SNCG: variants seen among roughly 807,000 people sequenced by gnomAD.
The protein encoded by SNCG is gamma-synuclein.
Under a neutral mutation model 16.0 loss-of-function variants are expected in SNCG, and 13 were observed. The observed-to-expected ratio is 0.81, with a 90% CI of 0.53 to 1.29. The LOEUF (loss-of-function observed/expected upper bound fraction) is 1.29. SNCG is among the 50% of genes most tolerant of loss of function. The pLI is 0.00. For missense variants in SNCG, 154 were observed against 168.5 expected (o/e 0.91, Z 0.48); for synonymous variants, 66 against 66.3 (o/e 1.00, Z 0.02).
upstream of SNCG, chr10:86,958,315 C>T (rs1457527989): frequency 1.0e-6 from 1 of 985,274 alleles, no homozygotes; most frequent in East Asian, 1.1e-4. Flanking sequence ...CCAAGAGCAC[C>T]CAGCCAGGGC....
chr10:86,960,526 A>G (rs1382243176), intron 3 of SNCG, among the ~76,000 whole-genome samples: 1 of 152,098 alleles, frequency 6.6e-6, no homozygotes, highest in Non-Finnish European at 1.5e-5. Flanking sequence ...CCCCGCCCCC[A>G]GGGCCTAGCC....
upstream of SNCG, chr10:86,957,482 T>A (rs140074339): frequency 6.2e-7 from 1 of 1,613,220 alleles, no homozygotes; most frequent in African/African-American, 1.3e-5. Context: ...CCTGGGCCCA[T>A]GCCCCCAGCA....
intron 3 of SNCG, 60 bp downstream of exon 3, chr10:86,960,188 G>A (rs777580876): frequency 1.1e-5 from 17 of 1,520,602 alleles, no homozygotes; most frequent in South Asian, 6.0e-5. Context: ...GCTGCTGGGC[G>A]GAGGCGGCAT....
upstream of SNCG, chr10:86,958,127 C>CATAT: frequency 2.0e-6 from 2 of 985,350 alleles, no homozygotes; most frequent in Non-Finnish European, 2.4e-6. Context: ...CAGGGTCCAG[C>CATAT]GGCATCCAGG....
upstream of SNCG, chr10:86,957,465 C>G: frequency 6.2e-7 from 1 of 1,613,504 alleles, no homozygotes. Context: ...GAGGCTAGTA[C>G]TGGAAGCCTG....
chr10:86,958,077 C>G (rs540558225), upstream of SNCG: 1 of 985,318 alleles, frequency 1.0e-6, no homozygotes, highest in East Asian at 1.1e-4. Context: ...TTTCCCCACC[C>G]CCACCCACCT....
chr10:86,958,410 GGCAGGAGA>G (rs1844273311), upstream of SNCG: 5 of 985,294 alleles, frequency 5.1e-6, no homozygotes, highest in Admixed American at 3.1e-4. Context: ...GAGGGCACGG[GGCAGGAGA>G]GCTGGGCTGA....
At chr10:86,962,863 C>T in intron 4 of SNCG, 102 bp from the exon 5 acceptor site, 1 of 1,376,396 alleles carries the variant, frequency 7.3e-7, no homozygotes, top group Non-Finnish European at 1.0e-6. Context: ...ACGGATGACC[C>T]CTCAGGCATG....
rs1844281055 is a variant in SNCG, at chr10:86,958,711, A to G, written c.14A>G (p.Lys5Arg). The G allele has an allele frequency of 1.9e-6, 3 of 1,613,964 alleles. No individual in the cohort carries two copies. Among genetic ancestry groups the G allele is most frequent in the Non-Finnish European group, 8.5e-7 (1 of 1,179,982 alleles). The change falls in exon 1 of 5, where the codon AAG (lysine) becomes AGG (arginine). Residue 5 changes from lysine to arginine, a missense_variant. Coordinates refer to ENST00000372017, the MANE Select transcript of SNCG (RefSeq NM_003087.3). ...TGCACACCCACCATGGATGTCTTCA[A>G]GAAGGGCTTCTCCATCGCCAAGGAG... MDVF[K>R]KGFSIAKEGV...
upstream of SNCG, chr10:86,957,612 T>C: frequency 6.7e-7 from 1 of 1,502,252 alleles, no homozygotes; most frequent in Non-Finnish European, 8.9e-7. Context: ...AGTGACGTTG[T>C]CTTCAAGTTA....
upstream of SNCG, chr10:86,957,510 C>T (rs1344455602): frequency 6.2e-7 from 1 of 1,612,390 alleles, no homozygotes; most frequent in Non-Finnish European, 8.5e-7. Context: ...GCCCAGGGGG[C>T]CCCCAAGGCT....
At chr10:86,960,272 G>A (rs578257225) in intron 3 of SNCG, 144 bp downstream of exon 3, 8 of 774,326 alleles carry the variant, frequency 1.0e-5, no homozygotes, top group South Asian at 9.2e-5. Context: ...ACTGAGCGCC[G>A]GCATGGGGTG....
At position 86,962,619 on chromosome 10, in the gene SNCG, T is replaced by C. The variant is rs1181476646; in HGVS notation, c.307T>C (p.Ser103Pro). Residue 103 changes from serine (S) to proline (P), a missense_variant, in exon 4 of 5, where the codon TCT becomes CCT. Transcript: ENST00000372017. ...TCCCCTACAGGAGGACTTGAGGCCA[T>C]CTGCCCCCCAACAGGAGGGTGAGGC... ...GVVRKEDLRP[S>P]APQQEGEASK... 1.2e-6 allele frequency: 2 copies of C among 1,612,532 alleles called. No homozygotes were observed. Among genetic ancestry groups the C allele is most frequent in the East Asian group, 2.2e-5 (1 of 44,882 alleles).
At chr10:86,957,584 G>C, upstream of SNCG, 1 of 1,554,608 alleles carries the variant, frequency 6.4e-7, no homozygotes, top group South Asian at 1.2e-5. Flanking sequence ...GCCTTGGCAA[G>C]TAGCTCCAGA....
At chr10:86,960,582 C>T (rs1235555671) in intron 3 of SNCG, among the ~76,000 whole-genome samples, 4 of 152,170 alleles carry the variant, frequency 2.6e-5, no homozygotes, top group African/African-American at 9.6e-5. Flanking sequence ...CTGGGAGCCT[C>T]AGGGAAGTAG....
intron 4 of SNCG, 103 bp from the exon 5 acceptor site, chr10:86,962,862 C>A (rs1844380589): frequency 1.5e-6 from 2 of 1,365,762 alleles, no homozygotes; most frequent in South Asian, 1.3e-5. Flanking sequence ...CACGGATGAC[C>A]CCTCAGGCAT....
chr10:86,959,982 A>G lies in SNCG; in HGVS notation c.164-19A>G. ...TGGGGCTGGGGCTGGGGTGGAGGCC[A>G]GCCAGTGTCCTCCCATAGTGGCCGA... On this transcript the variant is annotated intron_variant, in intron 2 of 4. Transcript: ENST00000372017. The surrounding 1 kb of genome is among the most constrained non-coding windows in gnomAD (Gnocchi z 4.3). 2 of 1,579,442 alleles carry G rather than the reference A, an allele frequency of 1.3e-6. No individual in the cohort carries two copies. The highest frequency in any genetic ancestry group is 1.2e-5 in the South Asian group (1 of 86,174).
upstream of SNCG, among the ~76,000 whole-genome samples, chr10:86,956,303 C>T (rs1354601378): frequency 1.3e-5 from 2 of 152,210 alleles, no homozygotes; most frequent in African/African-American, 2.4e-5. Context: ...GGGCCTCTTG[C>T]CCCTCCCTGG....
upstream of SNCG, chr10:86,957,712 C>T (rs189341840): frequency 5.3e-6 from 7 of 1,329,644 alleles, no homozygotes; most frequent in Admixed American, 6.0e-5. Flanking sequence ...TGCCCCCCAA[C>T]TACCCTGGCT....
Sources: gnomAD v4.1 joint callset for allele counts (sites outside exome capture counted in the v4.1 genomes callset) on GRCh38, gnomAD v4.1.1 for gene constraint, Gnocchi (gnomAD v3.1) non-coding constraint, MANE v1.5 for transcripts, NCBI Gene and HGNC (gene_info 2026-07-23, HGNC 2026-07-21) for gene names.